Variants in MYO18B observed in about 807,000 individuals in gnomAD.
MYO18B encodes unconventional myosin-XVIIIb.
Under a neutral mutation model 273.0 loss-of-function variants are expected in MYO18B, and 204 were observed. The ratio of observed to expected loss-of-function variants is 0.75; its 90% CI spans 0.67 to 0.84. The LOEUF is 0.84. Ranked by LOEUF, MYO18B falls within the 40% of genes least tolerant of loss-of-function variation. MYO18B has a pLI of 0.00. For missense variants in MYO18B, 3,212 were observed against 3,287.6 expected (o/e 0.98, Z 0.56); for synonymous variants, 1,330 against 1,305.7 (o/e 1.02, Z -0.40).
intron 7 of MYO18B, 71 bp downstream of exon 7, chr22:25,772,581 C>T (rs2086763385): frequency 4.8e-6 from 7 of 1,457,844 alleles, no homozygotes; most frequent in Admixed American, 4.3e-5. Context: ...CCCTCTGCAT[C>T]TGAGGTGACA....
chr22:25,765,888 G>A (rs1434212933), intron 3 of MYO18B, among the ~76,000 whole-genome samples: 1 of 152,128 alleles, frequency 6.6e-6, no homozygotes, highest in African/African-American at 2.4e-5. Flanking sequence ...GGTGTAGACA[G>A]TGGTGAGATT....
chr22:25,821,303 CT>C (rs59356967), intron 12 of MYO18B, among the ~76,000 whole-genome samples: 290 of 144,380 alleles, frequency 2.0e-3, no homozygotes, highest in Admixed American at 2.1e-3. Context: ...CTAAGAGTTC[CT>C]TTTTTTTTTT....
At position 25,823,593 on chromosome 22, in the gene MYO18B, C is replaced by G; in HGVS notation, c.2610C>G (p.Thr870=). The G allele has an allele frequency of 6.2e-7, 1 of 1,613,974 alleles. No homozygotes were observed. Among genetic ancestry groups the G allele is most frequent in the African/African-American group, 1.3e-5 (1 of 75,044 alleles). The change falls in exon 13 of 44, where the codon ACC becomes ACG. Residue 870 remains threonine (T), a synonymous_variant. Coordinates refer to ENST00000335473, the MANE Select transcript of MYO18B (RefSeq NM_032608.7). The part of the protein sequence containing the change: ...GCEYEELNTA[T]FKHHLRQIIQ... ...AGTATGAGGAGCTGAACACGGCCAC[C>G]TTCAAGCACCACCTTCGACAGATCA...
chr22:26,042,363 T>A, the MYO18B span, among the ~76,000 whole-genome samples: 22 of 152,238 alleles, frequency 1.4e-4, no homozygotes, highest in Admixed American at 1.3e-3. Context: ...CTCAGTAATA[T>A]CAGCTTCCCT....
intron 12 of MYO18B, among the ~76,000 whole-genome samples, chr22:25,798,645 C>T (rs2088038896): frequency 6.6e-6 from 1 of 152,056 alleles, no homozygotes; most frequent in South Asian, 2.1e-4. Flanking sequence ...CTGCAGCTTC[C>T]ACCTCCTTGG....
At chr22:25,821,463 G>A (rs186134638) in intron 12 of MYO18B, among the ~76,000 whole-genome samples, 2 of 152,218 alleles carry the variant, frequency 1.3e-5, no homozygotes, top group East Asian at 3.9e-4. Context: ...TTTTAAGGAC[G>A]ACACTATTAT....
chr22:25,853,165 C>G (rs2090472886), intron 21 of MYO18B, among the ~76,000 whole-genome samples: 1 of 152,190 alleles, frequency 6.6e-6, no homozygotes. Flanking sequence ...TATCATCATC[C>G]TCTTTCAAAT....
chr22:25,963,178 T>TCTCTCTCACACACACACACACA (rs774304270), intron 39 of MYO18B, among the ~76,000 whole-genome samples: 3 of 144,074 alleles, frequency 2.1e-5, no homozygotes, highest in East Asian at 2.0e-4. Flanking sequence ...TCTCTCTCTC[T>TCTCTCTCACACACACACACACA]CACACACACA....
intron 29 of MYO18B, chr22:25,900,292 T>C (rs1032082928): frequency 2.0e-5 from 3 of 152,258 alleles, no homozygotes; most frequent in Non-Finnish European, 4.4e-5. Flanking sequence ...ATTAGCATTT[T>C]ATGTCTCAGT....
At chr22:25,814,389 G>C (rs567249372) in intron 12 of MYO18B, among the ~76,000 whole-genome samples, 9 of 128,758 alleles carry the variant, frequency 7.0e-5, no homozygotes, top group Non-Finnish European at 1.2e-4. Context: ...GCACGATCTC[G>C]GCCCTCTGCA....
chr22:25,787,497 G>T (rs776556286), intron 11 of MYO18B, among the ~76,000 whole-genome samples: 2 of 152,226 alleles, frequency 1.3e-5, no homozygotes, highest in Non-Finnish European at 1.5e-5. Flanking sequence ...TGTCTGCCCC[G>T]TCTTTGAACT....
intron 38 of MYO18B, 68 bp from the exon 39 acceptor site, chr22:25,955,111 T>C: frequency 1.4e-6 from 2 of 1,432,738 alleles, no homozygotes; most frequent in Non-Finnish European, 1.9e-6. Context: ...TTTATCTTCC[T>C]GAGGCTCCCT....
Position 25,780,209 on chromosome 22 carries a change from T to C in MYO18B, c.2211+11T>C, listed in dbSNP as rs777740804. On this transcript the variant is annotated intron_variant, in intron 9 of 43. Transcript: ENST00000335473. ...GCTGCTCAGCTCCAGGTGAGGCCTC[T>C]CGGGGGATGTGCAAGGGGGCCCTTG... 6.3e-7 allele frequency: 1 copy of C among 1,597,500 alleles called. No homozygotes were observed. The highest frequency in any genetic ancestry group is 1.1e-5 in the South Asian group (1 of 88,346).
chr22:26,008,123 C>A (rs935004628), intron 42 of MYO18B, among the ~76,000 whole-genome samples: 6 of 152,130 alleles, frequency 3.9e-5, no homozygotes, highest in African/African-American at 1.2e-4. Flanking sequence ...CTTTCCTTAC[C>A]AGTATGCATA....
chr22:25,901,369 A>G (rs2091930967), intron 29 of MYO18B: 1 of 152,232 alleles, frequency 6.6e-6, no homozygotes, highest in South Asian at 2.1e-4. Context: ...GAGGCTTGGC[A>G]AAGCCTTCTC....
chr22:25,877,537 G>A (rs950939550), intron 24 of MYO18B, among the ~76,000 whole-genome samples: 2 of 151,960 alleles, frequency 1.3e-5, no homozygotes, highest in Non-Finnish European at 2.9e-5. Flanking sequence ...GTGCTATCTC[G>A]GCTCACTGCA....
chr22:26,015,149 G>C (rs1025845849), intron 42 of MYO18B, among the ~76,000 whole-genome samples: 1 of 152,138 alleles, frequency 6.6e-6, no homozygotes, highest in African/African-American at 2.4e-5. Flanking sequence ...TGTCCAGAAT[G>C]GTATTGCCTA....
intron 39 of MYO18B, among the ~76,000 whole-genome samples, chr22:25,977,113 C>T (rs1229739192): frequency 6.6e-6 from 1 of 152,104 alleles, no homozygotes; most frequent in Non-Finnish European, 1.5e-5. Context: ...CCTGGGGAAT[C>T]CAAACAGATG....
At chr22:25,829,859 A>C (rs562465985) in intron 15 of MYO18B, among the ~76,000 whole-genome samples, 52 of 151,674 alleles carry the variant, frequency 3.4e-4, no homozygotes, top group African/African-American at 1.2e-3. Flanking sequence ...ATAATAATAT[A>C]AAATAAAATA....
Sources: allele counts gnomAD v4.1 joint callset (sites outside exome capture counted in the v4.1 genomes callset), GRCh38; gene constraint gnomAD v4.1.1; transcripts MANE v1.5; gene names NCBI Gene and HGNC (gene_info 2026-07-23, HGNC 2026-07-21).